Variants in DPP6 observed in about 807,000 individuals in gnomAD.
DPP6 encodes the protein A-type potassium channel modulatory protein DPP6.
In DPP6, 69 loss-of-function variants were observed where a neutral mutation model predicts 122.6. The observed-to-expected ratio is 0.56, with a 90% CI of 0.46 to 0.69. The LOEUF is 0.69. Among genes scored for constraint, DPP6 ranks in the 30% least tolerant of loss-of-function variants. The probability of loss-of-function intolerance (pLI) is 0.00; values close to 1 mark genes in which losing one functional copy is unlikely to be tolerated. For missense variants in DPP6, 928 were observed against 1,116.9 expected, an observed-to-expected ratio of 0.83 and a Z score of 2.41; for synonymous variants, 418 against 433.1, an observed-to-expected ratio of 0.97 and a Z score of 0.43.
At chr7:154,591,410 G>T (rs1282601177) in intron 5 of DPP6, among the ~76,000 whole-genome samples, 1 of 152,166 alleles carries the variant, frequency 6.6e-6, no homozygotes, top group Non-Finnish European at 1.5e-5. Flanking sequence ...TGATGAAGAA[G>T]AAAACAGCAG....
intron 1 of DPP6, among the ~76,000 whole-genome samples, chr7:154,127,248 A>G (rs1483058320): frequency 2.6e-5 from 4 of 152,218 alleles, no homozygotes; most frequent in Admixed American, 2.6e-4. Context: ...AATTCCAATG[A>G]TTGCTGTAGA....
At chr7:154,621,904 A>G (rs1586751576) in intron 5 of DPP6, among the ~76,000 whole-genome samples, 1 of 152,280 alleles carries the variant, frequency 6.6e-6, no homozygotes, top group East Asian at 1.9e-4. Flanking sequence ...TTGTCGTACC[A>G]TGTGATGTAA....
chr7:154,256,913 A>G (rs544176093), intron 1 of DPP6, among the ~76,000 whole-genome samples: 1 of 152,264 alleles, frequency 6.6e-6, no homozygotes, highest in Admixed American at 6.5e-5. Context: ...AGAGAGGTCA[A>G]GTGCATCTAG....
chr7:153,931,351 C>T (rs374930180), intron 1 of DPP6, among the ~76,000 whole-genome samples: 9 of 152,274 alleles, frequency 5.9e-5, no homozygotes, highest in Admixed American at 2.6e-4. Flanking sequence ...GGATAACATT[C>T]ATCAGAGCAT....
chr7:154,267,908 A>G (rs1457888912), intron 1 of DPP6, among the ~76,000 whole-genome samples: 1 of 147,244 alleles, frequency 6.8e-6, no homozygotes, highest in African/African-American at 2.5e-5. Context: ...ACACACGTAT[A>G]TGCACACATA....
intron 5 of DPP6, among the ~76,000 whole-genome samples, chr7:154,570,464 G>A (rs1831037619): frequency 1.3e-5 from 2 of 151,912 alleles, no homozygotes; most frequent in African/African-American, 4.9e-5. Context: ...AGCACAGGGT[G>A]ATCTGCGTAC....
chr7:154,824,430 C>CAA (rs1800009181), intron 16 of DPP6, among the ~76,000 whole-genome samples: 1 of 152,172 alleles, frequency 6.6e-6, no homozygotes, highest in Non-Finnish European at 1.5e-5. Flanking sequence ...CAGGCATGTG[C>CAA]CACCACACCC....
At chr7:154,779,276 T>TCCACCACCATCGCCTCCA (rs1563201855) in intron 10 of DPP6, among the ~76,000 whole-genome samples, 2 of 56,392 alleles carry the variant, frequency 3.5e-5, no homozygotes, top group African/African-American at 1.0e-4. Flanking sequence ...TATCACCACC[T>TCCACCACCATCGCCTCCA]CCACCACCAC....
chr7:154,427,641 T>G (rs1229129592), intron 1 of DPP6, among the ~76,000 whole-genome samples: 1 of 152,228 alleles, frequency 6.6e-6, no homozygotes, highest in Non-Finnish European at 1.5e-5. Context: ...TTTTTCTTCT[T>G]TAGCCCTCAT....
At chr7:153,849,057 G>A in the DPP6 span, among the ~76,000 whole-genome samples, 2 of 151,988 alleles carry the variant, frequency 1.3e-5, no homozygotes, top group Admixed American at 1.3e-4. Context: ...CTACCCCTAG[G>A]GAAATTAATC....
chr7:154,373,662 T>A (rs1224323675), intron 1 of DPP6, among the ~76,000 whole-genome samples: 1 of 152,214 alleles, frequency 6.6e-6, no homozygotes, highest in African/African-American at 2.4e-5. Flanking sequence ...ATCTTAGCCA[T>A]TTTTCAGTGC....
chr7:153,989,715 G>A (rs1461632083), intron 1 of DPP6, among the ~76,000 whole-genome samples: 4 of 152,146 alleles, frequency 2.6e-5, no homozygotes, highest in African/African-American at 9.6e-5. Flanking sequence ...GCTTGGTGTG[G>A]TGCAGAGGTA....
intron 4 of DPP6, among the ~76,000 whole-genome samples, chr7:154,548,061 T>C (rs1428648278): frequency 2.0e-5 from 3 of 150,922 alleles, no homozygotes; most frequent in African/African-American, 7.3e-5. Context: ...ATAAAAAAAT[T>C]AGTGTGGCGT....
chr7:153,880,923 T>C, the DPP6 span, among the ~76,000 whole-genome samples: 1 of 152,222 alleles, frequency 6.6e-6, no homozygotes, highest in Non-Finnish European at 1.5e-5. Flanking sequence ...AAGTGAAACA[T>C]TGCCAAAGAT....
chr7:154,127,999 G>T (rs995847723), intron 1 of DPP6, among the ~76,000 whole-genome samples: 2 of 149,976 alleles, frequency 1.3e-5, no homozygotes, highest in African/African-American at 4.9e-5. Context: ...ACTGACAGTA[G>T]CAATGACGGT....
intron 10 of DPP6, among the ~76,000 whole-genome samples, chr7:154,790,484 A>T (rs1173848021): frequency 6.6e-6 from 1 of 152,214 alleles, no homozygotes; most frequent in African/African-American, 2.4e-5. Context: ...TATAATCTTT[A>T]TAAATTCCAT....
In DPP6 at chr7:154,783,517, C is replaced by T. The variant is rs565634221; in HGVS notation, c.1137-10562C>T. Among the ~76,000 whole-genome samples the T allele has an allele frequency of 3.3e-5, 5 of 152,276 alleles. No homozygotes were observed. In the South Asian group the frequency reaches 8.3e-4, roughly 25 times the overall value. On this transcript the variant is annotated intron_variant, in intron 10 of 25. Coordinates refer to ENST00000377770, the MANE Select transcript of DPP6 (RefSeq NM_130797.4). Reference sequence around the variant, plus strand: ...TCGCTGAGCAGTGGGCAGCCATTCCCGCAGCACAGGATTCTGCTCTCCCTC... The same window carrying T: ...TCGCTGAGCAGTGGGCAGCCATTCCTGCAGCACAGGATTCTGCTCTCCCTC...
chr7:154,547,643 C>A (rs1256510343), intron 4 of DPP6, among the ~76,000 whole-genome samples: 1 of 152,152 alleles, frequency 6.6e-6, no homozygotes, highest in East Asian at 1.9e-4. Flanking sequence ...TGTGAGAAAT[C>A]GTAGCACAAA....
At chr7:154,857,381 C>T (rs1802932670) in intron 17 of DPP6, among the ~76,000 whole-genome samples, 1 of 152,160 alleles carries the variant, frequency 6.6e-6, no homozygotes, top group African/African-American at 2.4e-5. Context: ...AGGGTTGGCA[C>T]ATCATAGCTG....
Sources: gnomAD v4.1 joint callset for allele counts (sites outside exome capture counted in the v4.1 genomes callset) on GRCh38, gnomAD v4.1.1 for gene constraint, MANE v1.5 for transcripts, NCBI Gene and HGNC (gene_info 2026-07-23, HGNC 2026-07-21) for gene names.